The following RAB38 variants were observed in gnomAD, a reference collection of about 807,000 sequenced individuals.
The protein encoded by RAB38 is RAB38, member RAS oncogene family.
Under a neutral mutation model 18.4 loss-of-function variants are expected in RAB38, and 15 were observed. The observed-to-expected ratio is 0.82, with a 90% CI of 0.55 to 1.26. The LOEUF is 1.26. Among genes scored for constraint, RAB38 ranks in the 50% most tolerant of loss-of-function variants. The probability of loss-of-function intolerance (pLI) is 0.00; values close to 1 mark genes in which losing one functional copy is unlikely to be tolerated. For missense variants in RAB38, 294 were observed against 267.4 expected (o/e 1.10, Z -0.69); for synonymous variants, 101 against 104.4 (o/e 0.97, Z 0.20).
the RAB38 span, among the ~76,000 whole-genome samples, chr11:87,855,848 T>C: frequency 1.3e-5 from 2 of 152,160 alleles, no homozygotes; most frequent in South Asian, 2.1e-4. Context: ...TTGATTAGGA[T>C]AGCCTTGGTA....
the RAB38 span, among the ~76,000 whole-genome samples, chr11:87,852,391 C>T: frequency 6.6e-6 from 1 of 152,142 alleles, no homozygotes; most frequent in Non-Finnish European, 1.5e-5. Flanking sequence ...CATTGTTCTT[C>T]CCGCTTCACA....
At chr11:87,832,000 T>C in the RAB38 span, among the ~76,000 whole-genome samples, 1 of 152,214 alleles carries the variant, frequency 6.6e-6, no homozygotes, top group Non-Finnish European at 1.5e-5. Flanking sequence ...TTAAATATGC[T>C]GTGTTAATGT....
At chr11:87,856,744 T>A in the RAB38 span, among the ~76,000 whole-genome samples, 1 of 152,156 alleles carries the variant, frequency 6.6e-6, no homozygotes, top group Non-Finnish European at 1.5e-5. Context: ...TACTTTAAGT[T>A]CTGGGATACA....
chr11:87,815,003 G>C, the RAB38 span: 1 of 152,578 alleles, frequency 6.6e-6, no homozygotes, highest in Non-Finnish European at 1.5e-5. Flanking sequence ...AAAGTGCTGG[G>C]ATTACAGGCG....
the RAB38 span, among the ~76,000 whole-genome samples, chr11:88,046,658 C>G: frequency 6.6e-6 from 1 of 152,166 alleles, no homozygotes; most frequent in Non-Finnish European, 1.5e-5. Context: ...CCCTGCAGAT[C>G]GTGTCTGACT....
At chr11:87,818,054 C>T in the RAB38 span, among the ~76,000 whole-genome samples, 1 of 152,276 alleles carries the variant, frequency 6.6e-6, no homozygotes, top group East Asian at 1.9e-4. Flanking sequence ...TTGTCCCATA[C>T]TATTTCTCAA....
chr11:87,820,486 C>T, the RAB38 span, among the ~76,000 whole-genome samples: 1 of 152,168 alleles, frequency 6.6e-6, no homozygotes, highest in East Asian at 1.9e-4. Context: ...ATAATCTCAC[C>T]ATCTGGTTCA....
chr11:88,054,008 A>C, the RAB38 span, among the ~76,000 whole-genome samples: 3 of 152,202 alleles, frequency 2.0e-5, no homozygotes, highest in Non-Finnish European at 4.4e-5. Flanking sequence ...TTGTATGTGA[A>C]CTTGCCAAGT....
At chr11:87,823,665 GT>G in the RAB38 span, among the ~76,000 whole-genome samples, 1 of 151,756 alleles carries the variant, frequency 6.6e-6, no homozygotes, top group African/African-American at 2.4e-5. Flanking sequence ...GGAAAGTAAA[GT>G]TTTTTTTCAA....
At chr11:88,136,437 AAAAGT>A (rs1942835453) in intron 2 of RAB38, among the ~76,000 whole-genome samples, 1 of 152,180 alleles carries the variant, frequency 6.6e-6, no homozygotes, top group Non-Finnish European at 1.5e-5. Context: ...TCAATACTAA[AAAAGT>A]AAAGTAACAG....
At chr11:88,174,240 A>AG (rs1314712811) in intron 1 of RAB38, 5 of 305,720 alleles carry the variant, frequency 1.6e-5, no homozygotes, top group Non-Finnish European at 1.9e-5. Context: ...ATCTGTAATG[A>AG]GGGGTTGGTC....
the RAB38 span, among the ~76,000 whole-genome samples, chr11:87,864,814 T>C: frequency 3.3e-5 from 5 of 151,730 alleles, no homozygotes; most frequent in East Asian, 1.9e-4. Flanking sequence ...TAGATGGTGG[T>C]AAGAGAAAAA....
At chr11:87,853,828 T>G in the RAB38 span, among the ~76,000 whole-genome samples, 1 of 152,206 alleles carries the variant, frequency 6.6e-6, no homozygotes, top group Non-Finnish European at 1.5e-5. Flanking sequence ...GCCAGAAATC[T>G]GACATGTTTC....
chr11:88,034,550 T>C, the RAB38 span, among the ~76,000 whole-genome samples: 80 of 152,376 alleles, frequency 5.3e-4, no homozygotes, highest in Middle Eastern at 3.4e-3. Context: ...ATGACAGATA[T>C]GTTATGACAT....
the RAB38 span, among the ~76,000 whole-genome samples, chr11:88,028,599 C>T: frequency 0.034 from 5,113 of 152,020 alleles, 225 homozygotes; most frequent in South Asian, 0.075. Context: ...CCTCAGGAGC[C>T]GATGCGATCA....
At chr11:88,104,220 T>C in the RAB38 span, among the ~76,000 whole-genome samples, 2 of 152,174 alleles carry the variant, frequency 1.3e-5, no homozygotes, top group African/African-American at 4.8e-5. Context: ...TTGCTATTCC[T>C]GGATTCTTTA....
chr11:87,825,127 T>C, the RAB38 span, among the ~76,000 whole-genome samples: 2 of 152,128 alleles, frequency 1.3e-5, no homozygotes, highest in African/African-American at 4.8e-5. Flanking sequence ...ACCAATTATT[T>C]CCATCAAGAA....
chr11:88,011,621 A>C, the RAB38 span, among the ~76,000 whole-genome samples: 1 of 152,322 alleles, frequency 6.6e-6, no homozygotes, highest in East Asian at 1.9e-4. Flanking sequence ...AAGGGTGAGA[A>C]TGCAGCAGGG....
the RAB38 span, among the ~76,000 whole-genome samples, chr11:87,859,762 AC>A: frequency 1.3e-3 from 191 of 152,138 alleles, 2 homozygotes; most frequent in East Asian, 0.027. Flanking sequence ...AACAGGGCTT[AC>A]TTCTTTTTCT....
Sources: allele counts gnomAD v4.1 joint callset (sites outside exome capture counted in the v4.1 genomes callset), GRCh38; gene constraint gnomAD v4.1.1; transcripts MANE v1.5; gene names NCBI Gene and HGNC (gene_info 2026-07-23, HGNC 2026-07-21).